Variants in PRDM16 observed in about 807,000 individuals in gnomAD.
PRDM16 encodes the protein histone-lysine N-methyltransferase PRDM16.
A neutral mutation model predicts 110.6 loss-of-function variants in PRDM16; 23 were observed. The observed-to-expected ratio is 0.21, with a 90% confidence interval of 0.15 to 0.29. The LOEUF (loss-of-function observed/expected upper bound fraction) is 0.29, where lower values mean the gene tolerates loss of function less well. PRDM16 is among the 10% of genes least tolerant of loss of function. The pLI, the probability that PRDM16 is intolerant of heterozygous loss-of-function variation, is 1.00. For missense variants in PRDM16, 1,615 were observed against 1,794.3 expected, an observed-to-expected ratio of 0.90 and a Z score of 1.81; for synonymous variants, 799 against 781.8, an observed-to-expected ratio of 1.02 and a Z score of -0.37.
At chr1:3,221,139 T>C (rs1639142065) in intron 2 of PRDM16, among the ~76,000 whole-genome samples, 1 of 152,206 alleles carries the variant, frequency 6.6e-6, no homozygotes, top group African/African-American at 2.4e-5. Context: ...TTGGGACGTG[T>C]GCAACCTCAC....
intron 3 of PRDM16, among the ~76,000 whole-genome samples, chr1:3,322,064 G>A (rs1220672171): frequency 6.6e-6 from 1 of 151,152 alleles, no homozygotes; most frequent in Non-Finnish European, 1.5e-5. Context: ...TGTGTGTGGG[G>A]AGTGCACGTG....
intron 3 of PRDM16, among the ~76,000 whole-genome samples, chr1:3,279,608 CG>C (rs763343876): frequency 2.4e-4 from 36 of 152,354 alleles, no homozygotes; most frequent in Non-Finnish European, 4.0e-4. Context: ...AGGAAGGTGC[CG>C]GCCCCTCTCC....
intron 1 of PRDM16, among the ~76,000 whole-genome samples, chr1:3,181,768 A>AGTCTTACG (rs1557510409): frequency 8.0e-6 from 1 of 125,612 alleles, no homozygotes; most frequent in African/African-American, 3.3e-5. Flanking sequence ...TCTTACACAC[A>AGTCTTACG]GTCTTACACA....
chr1:3,119,916 C>A (rs1391793548), intron 1 of PRDM16, among the ~76,000 whole-genome samples: 3 of 152,106 alleles, frequency 2.0e-5, no homozygotes, highest in Non-Finnish European at 2.9e-5. Context: ...ATCCCTGCGG[C>A]CCCACAGCCC....
Position 3,417,736 on chromosome 1 carries a change from A to G in PRDM16, c.2692-92A>G, listed in dbSNP as rs533998088. ...CCAGTGCCCACCTGAGCACCCTAAG[A>G]TATGCTGTTGTACAGAACCCCCAGC... is the stretch of plus-strand genomic sequence containing the variant. On this transcript the variant is annotated intron_variant, in intron 10 of 16. Coordinates refer to ENST00000270722, the MANE Select transcript of PRDM16 (RefSeq NM_022114.4). The G allele has an allele frequency of 3.7e-6, 4 of 1,091,226 alleles. No homozygotes were observed. The South Asian group carries it at 5.2e-5, about 14-fold the overall frequency. The allele number at this position is 1,091,226 out of a possible 1,614,324, so 67.6% of individuals were successfully genotyped here. A position where few individuals can be genotyped will look rare whatever the true frequency, so the allele number is the denominator to read the frequency against.
At chr1:3,320,931 T>C (rs774188695) in intron 3 of PRDM16, among the ~76,000 whole-genome samples, 13 of 152,168 alleles carry the variant, frequency 8.5e-5, no homozygotes, top group African/African-American at 1.2e-4. Flanking sequence ...CCTGCCCACT[T>C]GATCCAGCCC....
intron 1 of PRDM16, among the ~76,000 whole-genome samples, chr1:3,146,520 G>C (rs1643657836): frequency 6.6e-6 from 1 of 150,860 alleles, no homozygotes; most frequent in Admixed American, 6.6e-5. Context: ...TGTGTGCTCG[G>C]TGTGGGGTGT....
chr1:3,366,643 A>G (rs1018660563), intron 3 of PRDM16, among the ~76,000 whole-genome samples: 8 of 152,250 alleles, frequency 5.3e-5, no homozygotes, highest in African/African-American at 1.9e-4. Context: ...TTTTGTTCCC[A>G]GAGAGAAAAA....
At chr1:3,417,688 A>C in intron 10 of PRDM16, 140 bp from the exon 11 acceptor site, 1 of 758,678 alleles carries the variant, frequency 1.3e-6, no homozygotes, top group Non-Finnish European at 2.3e-6. Flanking sequence ...AGGGTCCAAG[A>C]AAATACTAGG....
chr1:3,427,108 G>A (rs534442361), intron 14 of PRDM16, among the ~76,000 whole-genome samples: 18 of 152,368 alleles, frequency 1.2e-4, no homozygotes, highest in African/African-American at 4.1e-4. Context: ...GCGCACGTGC[G>A]TCTAGACACA....
At chr1:3,273,432 G>A (rs1346060272) in intron 3 of PRDM16, among the ~76,000 whole-genome samples, 1 of 145,872 alleles carries the variant, frequency 6.9e-6, no homozygotes, top group African/African-American at 2.7e-5. Context: ...ATGAGGGTGC[G>A]TGCACATGTG....
In PRDM16 at chr1:3,432,543, C is replaced by G. The variant is rs963153290; in HGVS notation, c.3696+403C>G. On this transcript the variant is annotated intron_variant, in intron 16 of 16. Transcript: ENST00000270722. ...GAAGAGCTGTCCAGCCGGGCAGTCTCTGCTTCCCAGCTGGAGCAATGAGGT... is the reference window on the plus strand; with the variant it reads ...GAAGAGCTGTCCAGCCGGGCAGTCTGTGCTTCCCAGCTGGAGCAATGAGGT... 3.3e-5 allele frequency among the ~76,000 whole-genome samples: 5 copies of G among 152,246 alleles called. No homozygotes were observed. The East Asian group carries it at 9.6e-4, about 29-fold the overall frequency.
At chr1:3,258,918 G>A (rs949941398) in intron 3 of PRDM16, among the ~76,000 whole-genome samples, 5 of 152,246 alleles carry the variant, frequency 3.3e-5, no homozygotes, top group Non-Finnish European at 7.3e-5. Flanking sequence ...ATTATCGGAA[G>A]AGAATCTGAA....
chr1:3,354,229 G>A (rs1642549798), intron 3 of PRDM16, among the ~76,000 whole-genome samples: 1 of 152,180 alleles, frequency 6.6e-6, no homozygotes, highest in Non-Finnish European at 1.5e-5. Context: ...GCAGGCCGAG[G>A]TGGGTGGATC....
rs1643286412 is a variant in PRDM16 at position 3,390,804 on chromosome 1, T to A, written c.573+5518T>A. Among the ~76,000 whole-genome samples the A allele has an allele frequency of 6.6e-6, 1 of 151,580 alleles. No individual in the cohort carries two copies. Among genetic ancestry groups the A allele is most frequent in the African/African-American group, 2.4e-5 (1 of 41,258 alleles). On this transcript the variant is annotated intron_variant, in intron 4 of 16. Coordinates refer to ENST00000270722, the MANE Select transcript of PRDM16 (RefSeq NM_022114.4). The surrounding 1 kb of genome is among the most constrained non-coding windows in gnomAD (Gnocchi z 5.0). ...TCTGCCCCGACCCCAGACATGTTCATATTCCCTTTGCTTTTATCTCTCACA... is the reference window on the plus strand; with the variant it reads ...TCTGCCCCGACCCCAGACATGTTCAAATTCCCTTTGCTTTTATCTCTCACA...
intron 9 of PRDM16, among the ~76,000 whole-genome samples, chr1:3,413,837 C>T (rs145973439): frequency 8.5e-5 from 13 of 152,314 alleles, no homozygotes; most frequent in Admixed American, 1.3e-4. Context: ...CTCTGTTTAC[C>T]ACAGGAGGTT....
chr1:3,131,613 C>A (rs567367299), intron 1 of PRDM16, among the ~76,000 whole-genome samples: 1 of 152,344 alleles, frequency 6.6e-6, no homozygotes, highest in East Asian at 1.9e-4. Flanking sequence ...AATGACAGTT[C>A]TAGCAACCAT....
At chr1:3,274,210 A>G (rs1227712896) in intron 3 of PRDM16, among the ~76,000 whole-genome samples, 2 of 152,222 alleles carry the variant, frequency 1.3e-5, no homozygotes, top group Non-Finnish European at 2.9e-5. Context: ...ACGCCCTGGC[A>G]GGTAACTTTC....
intron 8 of PRDM16, among the ~76,000 whole-genome samples, chr1:3,408,565 GGTGC>G (rs1047869986): frequency 1.6e-4 from 22 of 133,634 alleles, no homozygotes; most frequent in Admixed American, 5.7e-4. Flanking sequence ...TGCATGTGTC[GGTGC>G]GTGTGAGAGC....
Sources: allele counts gnomAD v4.1 joint callset (sites outside exome capture counted in the v4.1 genomes callset), GRCh38; gene constraint gnomAD v4.1.1; non-coding constraint Gnocchi (gnomAD v3.1); transcripts MANE v1.5; gene names NCBI Gene and HGNC (gene_info 2026-07-23, HGNC 2026-07-21).